The following SORBS2 variants were observed in gnomAD, a reference collection of about 807,000 sequenced individuals.
SORBS2 encodes sorbin and SH3 domain containing 2, also known as sorbin and SH3 domain-containing protein 2.
A neutral mutation model predicts 97.7 loss-of-function variants in SORBS2; 46 were observed. The ratio of observed to expected loss-of-function variants is 0.47; its 90% CI spans 0.37 to 0.60. The LOEUF is 0.60. SORBS2 is among the 20% of genes least tolerant of loss of function. The probability of loss-of-function intolerance (pLI) is 0.00; values close to 1 mark genes in which losing one functional copy is unlikely to be tolerated. For missense variants in SORBS2, 1,316 were observed against 1,282.3 expected (o/e 1.03, Z -0.40); for synonymous variants, 476 against 473.4 (o/e 1.01, Z -0.07).
At chr4:185,918,457 T>G (rs565789973) in intron 1 of SORBS2, 34 of 152,356 alleles carry the variant, frequency 2.2e-4, no homozygotes, top group African/African-American at 8.2e-4. Context: ...TTTCCGCCAG[T>G]GCCCAACTGA....
intron 1 of SORBS2, among the ~76,000 whole-genome samples, chr4:185,820,496 G>A (rs1345783004): frequency 6.6e-6 from 1 of 152,224 alleles, no homozygotes; most frequent in South Asian, 2.1e-4. Flanking sequence ...TGCCAGGGCA[G>A]GGCTGGCCTT....
intron 2 of SORBS2, among the ~76,000 whole-genome samples, chr4:185,697,811 T>C (rs887463489): frequency 2.0e-5 from 3 of 152,208 alleles, no homozygotes; most frequent in East Asian, 1.9e-4. Flanking sequence ...CACATTTCTA[T>C]TTTGAGGAGA....
rs143590323 is a variant in SORBS2, at chr4:185,760,525, T to C, written c.-198+14702A>G. Among the ~76,000 whole-genome samples, 51 of 152,252 alleles carry C rather than the reference T, an allele frequency of 3.3e-4. 1 individual carries two copies. The highest frequency in any genetic ancestry group is 1.2e-3 in the African/African-American group (48 of 41,548). On this transcript the variant is annotated intron_variant, in intron 2 of 20. Coordinates refer to the SORBS2 transcript ENST00000284776. ...TTGCAGTGAGCTGAGATCGCGCCAT[T>C]GCGCTCCAGCCTGGGCAACAAGAGT...
chr4:185,721,309 G>C (rs545321313), intron 2 of SORBS2, among the ~76,000 whole-genome samples: 1 of 151,976 alleles, frequency 6.6e-6, no homozygotes, highest in Non-Finnish European at 1.5e-5. Context: ...TCCTGACCTT[G>C]GGTGATCCGC....
chr4:185,656,943 A>G (rs1325648533), exon 1 of SORBS2: 4 of 1,150,834 alleles, frequency 3.5e-6, no homozygotes, highest in African/African-American at 1.6e-5. Flanking sequence ...CTTCACTCCA[A>G]TCATCTCACC....
intron 2 of SORBS2, among the ~76,000 whole-genome samples, chr4:185,736,969 G>A (rs774487739): frequency 2.6e-5 from 4 of 152,140 alleles, no homozygotes; most frequent in Non-Finnish European, 5.9e-5. Flanking sequence ...CCTTCGAGTT[G>A]GCATGCCAAG....
At chr4:185,841,886 A>G (rs1313014820) in intron 1 of SORBS2, among the ~76,000 whole-genome samples, 2 of 152,340 alleles carry the variant, frequency 1.3e-5, no homozygotes, top group East Asian at 3.9e-4. Flanking sequence ...CACTGTTGGA[A>G]TCAACTGATA....
intron 2 of SORBS2, among the ~76,000 whole-genome samples, chr4:185,737,014 G>A (rs978629543): frequency 6.6e-6 from 1 of 152,198 alleles, no homozygotes; most frequent in Non-Finnish European, 1.5e-5. Flanking sequence ...GTTCCGGGTT[G>A]CTCTTAGCAA....
At chr4:185,944,248 G>A (rs576305634) in intron 1 of SORBS2, among the ~76,000 whole-genome samples, 10 of 152,134 alleles carry the variant, frequency 6.6e-5, no homozygotes, top group South Asian at 2.1e-4. Context: ...AAATGCTTTC[G>A]GGGCCCCAAA....
At chr4:185,891,605 G>C (rs971430999) in intron 1 of SORBS2, among the ~76,000 whole-genome samples, 1 of 152,038 alleles carries the variant, frequency 6.6e-6, no homozygotes, top group Non-Finnish European at 1.5e-5. Flanking sequence ...GCTCCACTCG[G>C]ACCCACCAAC....
chr4:185,590,719 A>G (rs909909978), intron 13 of SORBS2, among the ~76,000 whole-genome samples: 2 of 152,244 alleles, frequency 1.3e-5, no homozygotes, highest in African/African-American at 4.8e-5. Context: ...AGAAAACACC[A>G]TACATTATAA....
Position 185,606,679 on chromosome 4 carries a change from T to C in SORBS2, c.2796+5101A>G. ...GTGTTTTAGGCAGTTGGGTTTCTCCTCCTCCTCCTCCTCTTCAATGTGCAG... is the reference window on the plus strand; with the variant it reads ...GTGTTTTAGGCAGTTGGGTTTCTCCCCCTCCTCCTCCTCTTCAATGTGCAG... On this transcript the variant is annotated intron_variant, in intron 12 of 14. Coordinates refer to ENST00000418609, the Ensembl canonical transcript of SORBS2. This position sits in a 1 kb window ranked among gnomAD's most constrained non-coding sequence, Gnocchi z 4.3. The C allele has an allele frequency of 3.0e-6, 3 of 985,210 alleles. No homozygotes were observed. 61.0% of individuals were successfully genotyped at this position (985,210 alleles called of 1,614,324 possible).
intron 2 of SORBS2, among the ~76,000 whole-genome samples, chr4:185,752,401 G>A (rs371244633): frequency 1.7e-4 from 26 of 152,098 alleles, no homozygotes; most frequent in African/African-American, 4.3e-4. Flanking sequence ...TCAGCCTCCC[G>A]AGTAGCTTGG....
chr4:185,672,393 G>A (rs2097726142), intron 4 of SORBS2, among the ~76,000 whole-genome samples: 3 of 152,240 alleles, frequency 2.0e-5, no homozygotes, highest in Non-Finnish European at 4.4e-5. Context: ...TAGCACAGAT[G>A]CCATAGAAAC....
intron 2 of SORBS2, among the ~76,000 whole-genome samples, chr4:185,696,995 A>C (rs1010581333): frequency 2.6e-5 from 4 of 152,220 alleles, no homozygotes; most frequent in Non-Finnish European, 5.9e-5. Flanking sequence ...CATGTGAGGA[A>C]TTAATTAGAA....
chr4:185,798,284 T>C lies in SORBS2; in HGVS notation c.-337-22918A>G, dbSNP rs74482030. Among the ~76,000 whole-genome samples, 1,145 of 152,298 alleles carry C rather than the reference T, an allele frequency of 7.5e-3. 21 individuals are homozygous for C. Among genetic ancestry groups the C allele is most frequent in the African/African-American group, 0.026 (1,080 of 41,566 alleles). On this transcript the variant is annotated intron_variant, in intron 1 of 20. Coordinates refer to the SORBS2 transcript ENST00000284776. ...TATTTTTTCCAGAATAAACTTGTGA[T>C]TCTAACAACTTCAACATAAAATAAA...
chr4:185,820,793 G>A (rs2099196332), intron 1 of SORBS2, among the ~76,000 whole-genome samples: 1 of 152,180 alleles, frequency 6.6e-6, no homozygotes, highest in East Asian at 1.9e-4. Context: ...TGTCTGTCCC[G>A]CGAGATTATA....
chr4:185,711,690 A>G (rs933555079), intron 2 of SORBS2, among the ~76,000 whole-genome samples: 1 of 152,166 alleles, frequency 6.6e-6, no homozygotes, highest in African/African-American at 2.4e-5. Context: ...AGGCAATAAT[A>G]TTTGAGGCAA....
intron 1 of SORBS2, among the ~76,000 whole-genome samples, chr4:185,863,143 T>C (rs2099224853): frequency 1.3e-5 from 2 of 152,216 alleles, no homozygotes; most frequent in African/African-American, 4.8e-5. Flanking sequence ...CACCTGGATT[T>C]GCATTTTTAC....
Sources: gnomAD v4.1 joint callset for allele counts (sites outside exome capture counted in the v4.1 genomes callset) on GRCh38, gnomAD v4.1.1 for gene constraint, Gnocchi (gnomAD v3.1) non-coding constraint, MANE v1.5 for transcripts, NCBI Gene and HGNC (gene_info 2026-07-23, HGNC 2026-07-21) for gene names.